Variants in FOXM1 observed in about 807,000 individuals in gnomAD.
FOXM1 encodes the protein forkhead box protein M1.
In FOXM1, 25 loss-of-function variants were observed where a neutral mutation model predicts 63.6. That is an observed-to-expected ratio of 0.39 (90% CI 0.29 to 0.55). The LOEUF (loss-of-function observed/expected upper bound fraction) is 0.55. Among genes scored for constraint, FOXM1 ranks in the 20% least tolerant of loss-of-function variants. The pLI is 0.60. For synonymous variants in FOXM1, 387 were observed against 376.9 expected, an observed-to-expected ratio of 1.03 and a Z score of -0.31; for missense variants, 879 against 958.7, an observed-to-expected ratio of 0.92 and a Z score of 1.10.
chr12:2,861,627 C>A (rs1158179827), intron 8 of FOXM1, among the ~76,000 whole-genome samples: 1 of 152,094 alleles, frequency 6.6e-6, no homozygotes, highest in African/African-American at 2.4e-5. Flanking sequence ...ATTTAAAATA[C>A]CTTCTCACCC....
Position 2,859,483 on chromosome 12 carries a change from G to A in FOXM1, c.1447C>T (p.Pro483Ser). 6.2e-7 allele frequency: 1 copy of A among 1,613,966 alleles called. No homozygotes were observed. The highest frequency in any genetic ancestry group is 8.5e-7 in the Non-Finnish European group (1 of 1,180,016). Reference sequence around the variant, plus strand: ...GCCGGGGAGGGCCACTCTTCCAAGGGAGGGCTCTCCACTTTGATGGGTCTC... The same window carrying A: ...GCCGGGGAGGGCCACTCTTCCAAGGAAGGGCTCTCCACTTTGATGGGTCTC... ...LARPIKVESP[P>S]LEEWPSPAPS... Residue 483 changes from proline (P) to serine (S), a missense_variant, in exon 9 of 9, where the codon CCC (proline) becomes TCC (serine). Physicochemically the swap from Pro to Ser is moderately conservative, Grantham distance 74 (BLOSUM62 -1). This residue lies in a region of FOXM1 where 486 missense variants were observed against 453.5 expected (regional missense o/e 1.07). Transcript: ENST00000359843.
chr12:2,860,892 G>C (rs1014440282), intron 8 of FOXM1, among the ~76,000 whole-genome samples: 1 of 150,028 alleles, frequency 6.7e-6, no homozygotes, highest in African/African-American at 2.5e-5. Flanking sequence ...TCACAGGCTG[G>C]GCGTGGTGGC....
chr12:2,874,219 A>C lies in FOXM1; in HGVS notation c.260T>G (p.Ile87Ser). The change falls in exon 2 of 9, where the codon ATC becomes AGC. Residue 87 changes from isoleucine (I) to serine (S), a missense_variant. Around this residue, in one of 4 missense-constraint regions of FOXM1, gnomAD observed 255 missense variants for 292.4 expected, o/e 0.87. Transcript: ENST00000359843. This position sits in a 1 kb window ranked among gnomAD's most constrained non-coding sequence, Gnocchi z 4.3. ...AIPNNANIHS[I>S]ITALTAKGKE... ...TCCCTTGGCAGTCAGTGCTGTGATG[A>C]TGCTGTGAATATTAGCATTGTTGGG... 1 of 1,614,098 alleles carries C rather than the reference A, an allele frequency of 6.2e-7. No homozygotes were observed. Among genetic ancestry groups the C allele is most frequent in the Non-Finnish European group, 8.5e-7 (1 of 1,180,026 alleles).
In FOXM1 at chr12:2,872,226, C is replaced by T. The variant is rs750613038; in HGVS notation, c.524G>A (p.Cys175Tyr). The T allele has an allele frequency of 1.2e-6, 2 of 1,614,214 alleles. No homozygotes were observed. Among genetic ancestry groups the T allele is most frequent in the East Asian group, 4.5e-5 (2 of 44,892 alleles). The stretch of plus-strand genomic sequence containing the variant: ...GTTGGATAGGCTATTGTTGATAGTG[C>T]AGCCTGCTGCCTCACCATCTGCTAG... ...ETCADGEAAG[C>Y]TINNSLSNIQ... Residue 175 changes from cysteine to tyrosine, a missense_variant, in exon 3 of 9, where the codon TGC (cysteine) becomes TAC (tyrosine). Transcript: ENST00000359843. The surrounding 1 kb of genome is among the most constrained non-coding windows in gnomAD (Gnocchi z 4.0).
rs1054439504 is a variant in FOXM1 at position 2,874,832 on chromosome 12, T to G, written c.-47-307A>C. 6.6e-6 allele frequency among the ~76,000 whole-genome samples: 1 copy of G among 152,128 alleles called. No individual in the cohort carries two copies. Among genetic ancestry groups the G allele is most frequent in the African/African-American group, 2.4e-5 (1 of 41,428 alleles). ...GAAATGGATGGGATAGCTACAAATATGTGGAAATCTCTATAATTGCCTACT... is the reference window on the plus strand; with the variant it reads ...GAAATGGATGGGATAGCTACAAATAGGTGGAAATCTCTATAATTGCCTACT... On this transcript the variant is annotated intron_variant, in intron 1 of 8. Transcript: ENST00000359843. This position sits in a 1 kb window ranked among gnomAD's most constrained non-coding sequence, Gnocchi z 4.3.
intron 3 of FOXM1, among the ~76,000 whole-genome samples, chr12:2,870,206 C>A (rs759410410): frequency 6.6e-6 from 1 of 151,146 alleles, no homozygotes; most frequent in East Asian, 2.0e-4. Flanking sequence ...GAACTCCCGA[C>A]GTCAGGTGAT....
At position 2,874,076 on chromosome 12, in the gene FOXM1, C is replaced by G; in HGVS notation, c.403G>C (p.Glu135Gln). ...GGTCCCAAGGTCTCCAGGGTCACTTCTGTCCTTTTGGCATCATAGCTGGTT... is the reference window on the plus strand; with the variant it reads ...GGTCCCAAGGTCTCCAGGGTCACTTGTGTCCTTTTGGCATCATAGCTGGTT... The part of the protein sequence containing the change: ...TQTSYDAKRT[E>Q]VTLETLGPKP... The change falls in exon 2 of 9, where the codon GAA becomes CAA. Residue 135 changes from glutamate to glutamine, a missense_variant. Around this residue, in one of 4 missense-constraint regions of FOXM1, gnomAD observed 255 missense variants for 292.4 expected, o/e 0.87. Coordinates refer to ENST00000359843, the MANE Select transcript of FOXM1 (RefSeq NM_021953.4). This position sits in a 1 kb window ranked among gnomAD's most constrained non-coding sequence, Gnocchi z 4.3. 6.2e-7 allele frequency: 1 copy of G among 1,614,170 alleles called. No individual in the cohort carries two copies. The highest frequency in any genetic ancestry group is 8.5e-7 in the Non-Finnish European group (1 of 1,180,032).
chr12:2,875,506 A>G (rs545056440), intron 1 of FOXM1, among the ~76,000 whole-genome samples: 2 of 152,336 alleles, frequency 1.3e-5, no homozygotes, highest in South Asian at 4.1e-4. Context: ...TTCACAGGCT[A>G]TTATACTTGC....
rs1158611527 is a variant in FOXM1 at position 2,872,669 on chromosome 12, G to A, written c.503-422C>T. Among the ~76,000 whole-genome samples, 2 of 152,136 alleles carry A rather than the reference G, an allele frequency of 1.3e-5. No homozygotes were observed. The highest frequency in any genetic ancestry group is 4.8e-5 in the African/African-American group (2 of 41,434). ...CACTTGTCCAAGACCTCTGCCTTTA[G>A]GGACGGAGAACACATGCTGAATCTA... On this transcript the variant is annotated intron_variant, in intron 2 of 8. Coordinates refer to ENST00000359843, the MANE Select transcript of FOXM1 (RefSeq NM_021953.4). This position sits in a 1 kb window ranked among gnomAD's most constrained non-coding sequence, Gnocchi z 4.0.
chr12:2,862,447 C>T (rs1356217848), intron 8 of FOXM1, among the ~76,000 whole-genome samples: 9 of 152,108 alleles, frequency 5.9e-5, no homozygotes, highest in Admixed American at 5.9e-4. Flanking sequence ...CCAAACAGGG[C>T]ACATGCTACG....
chr12:2,864,698 G>A lies in FOXM1; in HGVS notation c.1075C>T (p.Leu359Phe), dbSNP rs759633706. The A allele has an allele frequency of 6.2e-6, 10 of 1,614,222 alleles. No individual in the cohort carries two copies. The highest frequency in any genetic ancestry group is 2.2e-5 in the South Asian group (2 of 91,088). The change falls in exon 7 of 9, where the codon CTC becomes TTC. Residue 359 changes from leucine to phenylalanine, a missense_variant. Around this residue, in one of 4 missense-constraint regions of FOXM1, gnomAD observed 76 missense variants for 94.5 expected, o/e 0.80. Coordinates refer to ENST00000359843, the MANE Select transcript of FOXM1 (RefSeq NM_021953.4). The surrounding 1 kb of genome is among the most constrained non-coding windows in gnomAD (Gnocchi z 5.1). ...LRRNMTIKTE[L>F]PLGARRKMKP... is the part of the protein sequence containing the mutation. ...CCATACTAACGTGCGCCCAGGGGGA[G>A]TTCGGTTTTGATGGTCATGTTCCGG... is the stretch of plus-strand genomic sequence containing the variant.
chr12:2,876,501 G>A (rs963426618), intron 1 of FOXM1: 3 of 152,278 alleles, frequency 2.0e-5, no homozygotes, highest in Admixed American at 2.0e-4. Flanking sequence ...ACCAGGAAAA[G>A]GGCCCTGCAA....
At chr12:2,875,475 A>G (rs2098141043) in intron 1 of FOXM1, among the ~76,000 whole-genome samples, 1 of 151,984 alleles carries the variant, frequency 6.6e-6, no homozygotes, top group East Asian at 1.9e-4. Flanking sequence ...GCACTGAACA[A>G]CTCTAGAGGG....
At chr12:2,866,334 T>C in intron 5 of FOXM1, 59 bp downstream of exon 5, 1 of 1,374,654 alleles carries the variant, frequency 7.3e-7, no homozygotes, top group Non-Finnish European at 9.5e-7. Flanking sequence ...TGTTTCCTTT[T>C]GAGATGGCTA....
chr12:2,859,982 T>G (rs2098107168), intron 8 of FOXM1, among the ~76,000 whole-genome samples: 2 of 152,114 alleles, frequency 1.3e-5, no homozygotes, highest in Admixed American at 1.3e-4. Flanking sequence ...GTGACATTAT[T>G]GTCACTAAAG....
Position 2,864,486 on chromosome 12 carries a change from A to G in FOXM1, c.1100T>C (p.Met367Thr). 3.1e-6 allele frequency: 5 copies of G among 1,612,208 alleles called. No homozygotes were observed. The highest frequency in any genetic ancestry group is 3.4e-6 in the Non-Finnish European group (4 of 1,178,514). ...TELPLGARRKMKPLLPRVSSY... is the reference protein window; with the variant it reads ...TELPLGARRKTKPLLPRVSSY... ...GCTGACCCGTGGTAGCAGTGGCTTC[A>G]TCTTCCGCCCTAGGAGGAAACACGA... The change falls in exon 8 of 9, where the codon ATG (methionine) becomes ACG (threonine). Residue 367 changes from methionine to threonine, a missense_variant. By Grantham distance (81) the Met-to-Thr change is moderately conservative. Around this residue, in one of 4 missense-constraint regions of FOXM1, gnomAD observed 76 missense variants for 94.5 expected, o/e 0.80. Coordinates refer to ENST00000359843, the MANE Select transcript of FOXM1 (RefSeq NM_021953.4). This position sits in a 1 kb window ranked among gnomAD's most constrained non-coding sequence, Gnocchi z 5.1.
chr12:2,865,343 A>T lies in FOXM1; in HGVS notation c.1020+12T>A. 6.2e-7 allele frequency: 1 copy of T among 1,608,590 alleles called. No homozygotes were observed. Among genetic ancestry groups the T allele is most frequent in the Non-Finnish European group, 8.5e-7 (1 of 1,177,018 alleles). On this transcript the variant is annotated intron_variant, in intron 6 of 8. Transcript: ENST00000359843. ...CAAGGCCAAGCCCCGAGCCAGAGGG[A>T]AAGAACCTTACTGATTCCAAGTGCT...
Position 2,864,714 on chromosome 12 carries a change from C to A in FOXM1, c.1059G>T (p.Met353Ile). Residue 353 changes from methionine to isoleucine, a missense_variant, in exon 7 of 9, where the codon ATG becomes ATT. Transcript: ENST00000359843. This position sits in a 1 kb window ranked among gnomAD's most constrained non-coding sequence, Gnocchi z 5.1. ...KRPNPELRRN[M>I]TIKTELPLGA... ...CCAGGGGGAGTTCGGTTTTGATGGT[C>A]ATGTTCCGGCGGAGCTCTGGATTCG... The A allele has an allele frequency of 6.2e-7, 1 of 1,614,126 alleles. No individual in the cohort carries two copies. Among genetic ancestry groups the A allele is most frequent in the Non-Finnish European group, 8.5e-7 (1 of 1,180,038 alleles).
intron 3 of FOXM1, among the ~76,000 whole-genome samples, chr12:2,870,438 G>A (rs1044088248): frequency 2.0e-5 from 3 of 152,210 alleles, no homozygotes; most frequent in African/African-American, 7.2e-5. Flanking sequence ...GCTGAGGCGG[G>A]TGGATGACGA....
Sources: allele counts gnomAD v4.1 joint callset (sites outside exome capture counted in the v4.1 genomes callset), GRCh38; gene constraint gnomAD v4.1.1; regional missense constraint gnomAD v4.1.1; non-coding constraint Gnocchi (gnomAD v3.1); transcripts MANE v1.5; gene names NCBI Gene and HGNC (gene_info 2026-07-23, HGNC 2026-07-21).